LHFPL2: variants seen among roughly 807,000 people sequenced by gnomAD.
The protein encoded by LHFPL2 is LHFPL tetraspan subfamily member 2, also known as LHFPL tetraspan subfamily member 2 protein.
LHFPL2 carries 7 observed loss-of-function variants against 17.5 expected under a neutral mutation model. That is an observed-to-expected ratio of 0.40 (90% confidence interval 0.23 to 0.75). The LOEUF is 0.75. Ranked by LOEUF, LHFPL2 falls within the 30% of genes least tolerant of loss-of-function variation. The probability of loss-of-function intolerance (pLI) is 0.37; values close to 1 mark genes in which losing one functional copy is unlikely to be tolerated. For missense variants in LHFPL2, 241 were observed against 294.8 expected (o/e 0.82, Z 1.34); for synonymous variants, 134 against 116.2 (o/e 1.15, Z -0.99).
At chr5:78,602,409 T>C (rs907124213) in intron 2 of LHFPL2, among the ~76,000 whole-genome samples, 1 of 152,202 alleles carries the variant, frequency 6.6e-6, no homozygotes, top group African/African-American at 2.4e-5. Context: ...GAATACAGGA[T>C]TGAAAGAAAC....
intron 2 of LHFPL2, among the ~76,000 whole-genome samples, chr5:78,615,818 C>T (rs1341545320): frequency 2.6e-5 from 4 of 152,174 alleles, no homozygotes; most frequent in African/African-American, 9.6e-5. Context: ...ACAAAAAATA[C>T]AACACCCACA....
intron 4 of LHFPL2, among the ~76,000 whole-genome samples, chr5:78,493,216 C>T (rs1754504728): frequency 2.0e-5 from 3 of 152,176 alleles, no homozygotes; most frequent in South Asian, 4.1e-4. Flanking sequence ...CACACGTAGT[C>T]CTCCCCTCAC....
At chr5:78,628,139 G>A (rs368692952) in intron 2 of LHFPL2, among the ~76,000 whole-genome samples, 1 of 152,126 alleles carries the variant, frequency 6.6e-6, no homozygotes, top group East Asian at 1.9e-4. Context: ...CAGGAGAGAC[G>A]TGGACAGGCC....
rs925497017 is a variant in LHFPL2 at position 78,648,634 on chromosome 5, AGAG to A, written c.-488_-486del. The A allele has an allele frequency of 1.3e-5, 2 of 151,224 alleles. No individual in the cohort carries two copies. Among genetic ancestry groups the A allele is most frequent in the African/African-American group, 4.9e-5 (2 of 40,670 alleles). The allele number at this position is 151,224 out of a possible 1,614,324, so 9.4% of individuals were successfully genotyped here. On this transcript the variant is annotated 5_prime_UTR_variant, in exon 1 of 5. Coordinates refer to ENST00000380345, the MANE Select transcript of LHFPL2 (RefSeq NM_005779.3). The surrounding 1 kb of genome is among the most constrained non-coding windows in gnomAD (Gnocchi z 5.4). ...GGAAGAAGGAGGCGGGAGGAGAGCG[AGAG>A]GAGAGCGGGAGGAGGCGGCGGGAGA...
rs1754322305 is a variant in LHFPL2 at position 78,488,434 on chromosome 5, T to C, written c.*463A>G. 4.9e-6 allele frequency: 1 copy of C among 203,734 alleles called. No individual in the cohort carries two copies. Among genetic ancestry groups the C allele is most frequent in the South Asian group, 9.2e-5 (1 of 10,826 alleles). 12.6% of individuals were successfully genotyped at this position (203,734 alleles called of 1,614,324 possible). A position where few individuals can be genotyped will look rare whatever the true frequency, so the allele number is the denominator to read the frequency against. Reference sequence around the variant, plus strand: ...CCTGTCCCCAGTAAGTTTATAGTTTTCTGTTCGTTGGAGACAACTTGAAAG... The same window carrying C: ...CCTGTCCCCAGTAAGTTTATAGTTTCCTGTTCGTTGGAGACAACTTGAAAG... On this transcript the variant is annotated 3_prime_UTR_variant, in exon 5 of 5. Coordinates refer to ENST00000380345, the MANE Select transcript of LHFPL2 (RefSeq NM_005779.3).
chr5:78,567,427 C>A (rs1272537669), intron 2 of LHFPL2, among the ~76,000 whole-genome samples: 1 of 151,930 alleles, frequency 6.6e-6, no homozygotes, highest in Non-Finnish European at 1.5e-5. Flanking sequence ...AGTCACAGAA[C>A]CTTCAAACAT....
chr5:78,489,623 C>A (rs1226621287), intron 4 of LHFPL2, among the ~76,000 whole-genome samples: 1 of 152,152 alleles, frequency 6.6e-6, no homozygotes, highest in Middle Eastern at 3.2e-3. Flanking sequence ...GTCTCAAACT[C>A]CTAAGCTCAA....
At chr5:78,619,659 A>C (rs1475487598) in intron 2 of LHFPL2, among the ~76,000 whole-genome samples, 11 of 78,860 alleles carry the variant, frequency 1.4e-4, no homozygotes, top group Non-Finnish European at 1.9e-4. Context: ...CCCTCCCCCC[A>C]CCCCACAACA....
chr5:78,523,479 G>C (rs1044598268), intron 3 of LHFPL2, among the ~76,000 whole-genome samples: 1 of 152,112 alleles, frequency 6.6e-6, no homozygotes, highest in East Asian at 1.9e-4. Flanking sequence ...GTACCCTGGG[G>C]ATGCTATCTG....
chr5:78,519,859 T>C (rs1330728094), intron 3 of LHFPL2, among the ~76,000 whole-genome samples: 3 of 152,246 alleles, frequency 2.0e-5, no homozygotes, highest in Non-Finnish European at 2.9e-5. Flanking sequence ...CCATCTGGCA[T>C]GTAGGTAATT....
At chr5:78,584,056 T>C (rs1340418398) in intron 2 of LHFPL2, among the ~76,000 whole-genome samples, 1 of 152,094 alleles carries the variant, frequency 6.6e-6, no homozygotes, top group Non-Finnish European at 1.5e-5. Flanking sequence ...CTGATACCCT[T>C]TCTTCCAGTT....
intron 2 of LHFPL2, among the ~76,000 whole-genome samples, chr5:78,606,327 C>G (rs1446519340): frequency 6.6e-6 from 1 of 152,154 alleles, no homozygotes; most frequent in Non-Finnish European, 1.5e-5. Flanking sequence ...TTTTATGCCA[C>G]CAGGGATTAG....
At chr5:78,623,709 T>G (rs968576387) in intron 2 of LHFPL2, among the ~76,000 whole-genome samples, 4 of 152,230 alleles carry the variant, frequency 2.6e-5, no homozygotes, top group Non-Finnish European at 4.4e-5. Flanking sequence ...TTTCCCCACA[T>G]GTAAATGAAT....
rs576568441 is a variant in LHFPL2, at chr5:78,612,954, C to T, written c.-245+19310G>A. 2.6e-5 allele frequency among the ~76,000 whole-genome samples: 4 copies of T among 152,352 alleles called. No individual in the cohort carries two copies. The East Asian group carries it at 7.7e-4, about 29-fold the overall frequency. On this transcript the variant is annotated intron_variant, in intron 2 of 4. Coordinates refer to ENST00000380345, the MANE Select transcript of LHFPL2 (RefSeq NM_005779.3). ...ATTCATCCAGCCTCACCTCCCCACC[C>T]AGCTCTTCCACGTGCATAGCTGGTG...
At chr5:78,529,246 A>T (rs1755709205) in intron 3 of LHFPL2, among the ~76,000 whole-genome samples, 1 of 152,216 alleles carries the variant, frequency 6.6e-6, no homozygotes, top group African/African-American at 2.4e-5. Flanking sequence ...TGATTGTGCC[A>T]CTACACTCCA....
intron 4 of LHFPL2, among the ~76,000 whole-genome samples, chr5:78,506,784 T>G (rs1457726510): frequency 2.6e-5 from 4 of 152,222 alleles, no homozygotes; most frequent in Non-Finnish European, 5.9e-5. Flanking sequence ...TTCCTGTATT[T>G]CAGCACTTAG....
In LHFPL2 at chr5:78,606,710, T is replaced by C. The variant is rs544078370; in HGVS notation, c.-245+25554A>G. Among the ~76,000 whole-genome samples, 251 of 152,342 alleles carry C rather than the reference T, an allele frequency of 1.6e-3. 1 individual carries two copies. The highest frequency in any genetic ancestry group is 5.8e-3 in the African/African-American group (241 of 41,574). On this transcript the variant is annotated intron_variant, in intron 2 of 4. Coordinates refer to ENST00000380345, the MANE Select transcript of LHFPL2 (RefSeq NM_005779.3). The stretch of plus-strand genomic sequence containing the variant: ...TTTTATTTTTTTGACAGTCTTGCTC[T>C]GTCGCCCAGGCTGGAGTGCAATGGC...
At chr5:78,620,433 T>A (rs978577579) in intron 2 of LHFPL2, among the ~76,000 whole-genome samples, 9 of 152,222 alleles carry the variant, frequency 5.9e-5, no homozygotes, top group African/African-American at 1.9e-4. Context: ...GACGATGATC[T>A]ATGAATGATG....
intron 2 of LHFPL2, among the ~76,000 whole-genome samples, chr5:78,594,047 A>G (rs1244802287): frequency 6.6e-6 from 1 of 152,242 alleles, no homozygotes; most frequent in African/African-American, 2.4e-5. Flanking sequence ...CAGCCCAGGT[A>G]CTATTTTATG....
Sources: gnomAD v4.1 joint callset for allele counts (sites outside exome capture counted in the v4.1 genomes callset) on GRCh38, gnomAD v4.1.1 for gene constraint, Gnocchi (gnomAD v3.1) non-coding constraint, MANE v1.5 for transcripts, NCBI Gene and HGNC (gene_info 2026-07-23, HGNC 2026-07-21) for gene names.